SPIRE1: variants seen among roughly 807,000 people sequenced by gnomAD.
The protein encoded by SPIRE1 is spire type actin nucleation factor 1.
SPIRE1 carries 40 observed loss-of-function variants against 94.1 expected under a neutral mutation model. That is an observed-to-expected ratio of 0.43 (90% CI 0.33 to 0.55). The LOEUF (loss-of-function observed/expected upper bound fraction) is 0.55. Among genes scored for constraint, SPIRE1 ranks in the 20% least tolerant of loss-of-function variants. The pLI is 0.06. For synonymous variants in SPIRE1, 376 were observed against 371.7 expected, an observed-to-expected ratio of 1.01 and a Z score of -0.13; for missense variants, 838 against 975.2, an observed-to-expected ratio of 0.86 and a Z score of 1.87.
At chr18:12,570,336 A>G (rs1394212023) in intron 2 of SPIRE1, among the ~76,000 whole-genome samples, 1 of 152,260 alleles carries the variant, frequency 6.6e-6, no homozygotes, top group African/African-American at 2.4e-5. Flanking sequence ...ATCTGCTGAA[A>G]TGGAGATGAC....
rs148572835 is a variant in SPIRE1, at chr18:12,634,629, C to A, written c.372+433G>T. Among the ~76,000 whole-genome samples the A allele has an allele frequency of 3.2e-3, 482 of 152,178 alleles. 2 individuals are homozygous for A. Among genetic ancestry groups the A allele is most frequent in the Non-Finnish European group, 3.5e-3 (239 of 68,008 alleles). ...ACTCTTCCTAAACCTAGAAAACACACCTGCTCTCAAAACATCTTATCAGGG... is the reference window on the plus strand; with the variant it reads ...ACTCTTCCTAAACCTAGAAAACACAACTGCTCTCAAAACATCTTATCAGGG... On this transcript the variant is annotated intron_variant, in intron 2 of 16. Transcript: ENST00000409402.
At chr18:12,550,759 C>CA (rs1411708834) in intron 2 of SPIRE1, among the ~76,000 whole-genome samples, 1 of 152,178 alleles carries the variant, frequency 6.6e-6, no homozygotes, top group Admixed American at 6.5e-5. Flanking sequence ...ACTAAAATCA[C>CA]AAACAATCTC....
intron 2 of SPIRE1, among the ~76,000 whole-genome samples, chr18:12,556,431 T>A (rs2035505913): frequency 6.6e-6 from 1 of 152,206 alleles, no homozygotes; most frequent in African/African-American, 2.4e-5. Flanking sequence ...AATAACACTG[T>A]GTCCGGAATT....
intron 2 of SPIRE1, among the ~76,000 whole-genome samples, chr18:12,629,161 T>C (rs2037709522): frequency 6.6e-6 from 1 of 152,206 alleles, no homozygotes; most frequent in South Asian, 2.1e-4. Flanking sequence ...CATTTAACCT[T>C]CTTTCCTGCT....
chr18:12,600,004 T>C (rs1203858932), intron 2 of SPIRE1, among the ~76,000 whole-genome samples: 1 of 151,062 alleles, frequency 6.6e-6, no homozygotes, highest in Non-Finnish European at 1.5e-5. Flanking sequence ...CTTTGCTGGC[T>C]GTGAGGGAGC....
chr18:12,553,778 GAACTAGAAAACTAGTTTCTAGAA>G (rs1355157248), intron 2 of SPIRE1, among the ~76,000 whole-genome samples: 4 of 151,862 alleles, frequency 2.6e-5, no homozygotes, highest in Non-Finnish European at 4.4e-5. Flanking sequence ...GCATCCTAAA[GAACTAGAAAACTAGTTTCTAGAA>G]AACTAGAAAA....
chr18:12,465,851 C>T (rs751134867), intron 10 of SPIRE1, among the ~76,000 whole-genome samples: 6 of 152,130 alleles, frequency 3.9e-5, no homozygotes, highest in African/African-American at 1.4e-4. Flanking sequence ...TTTGGGAGGC[C>T]AAGACGGGCA....
At chr18:12,611,805 A>G (rs1319935836) in intron 2 of SPIRE1, among the ~76,000 whole-genome samples, 2 of 151,190 alleles carry the variant, frequency 1.3e-5, no homozygotes, top group Non-Finnish European at 2.9e-5. Context: ...CTGGGACTAT[A>G]GGCGTGCACC....
Position 12,452,285 on chromosome 18 carries a change from G to A in SPIRE1, c.1982C>T (p.Ala661Val). The A allele has an allele frequency of 6.2e-7, 1 of 1,614,146 alleles. No individual in the cohort carries two copies. The highest frequency in any genetic ancestry group is 1.7e-5 in the Admixed American group (1 of 60,016). Reference protein sequence around the residue: ...SSMRSEKPSTAHHRPLRSIAR... With the variant: ...SSMRSEKPSTVHHRPLRSIAR... ...AATGCTCCGAAGTGGCCGATGATGG[G>A]CAGTGGAGGGTTTTTCTGACCTCAT... The change falls in exon 16 of 17, where the codon GCC becomes GTC. Residue 661 changes from alanine (A) to valine (V), a missense_variant. Transcript: ENST00000409402.
At chr18:12,615,345 A>AAAAAAATAAAAAAAAATATAT in intron 2 of SPIRE1, among the ~76,000 whole-genome samples, 1 of 17,244 alleles carries the variant, frequency 5.8e-5, no homozygotes, top group Admixed American at 5.9e-4. Flanking sequence ...AAAAAAAAAA[A>AAAAAAATAAAAAAAAATATAT]ATATATATAT....
intron 9 of SPIRE1, among the ~76,000 whole-genome samples, chr18:12,482,729 T>C (rs956639476): frequency 6.6e-6 from 1 of 152,164 alleles, no homozygotes; most frequent in Non-Finnish European, 1.5e-5. Context: ...AATAGCTCTG[T>C]AATTGCCTGA....
chr18:12,518,481 GA>G (rs1184146300), intron 4 of SPIRE1, among the ~76,000 whole-genome samples: 1 of 148,190 alleles, frequency 6.7e-6, no homozygotes, highest in Non-Finnish European at 1.5e-5. Context: ...AAAAGAGCAA[GA>G]CCCTGTCTCA....
chr18:12,642,838 C>T (rs1263186729), intron 1 of SPIRE1, among the ~76,000 whole-genome samples: 2 of 152,118 alleles, frequency 1.3e-5, no homozygotes, highest in African/African-American at 2.4e-5. Flanking sequence ...ACCTAGATCA[C>T]GGGTTGACAG....
In SPIRE1 at chr18:12,657,661, A is replaced by C; in HGVS notation, c.206T>G (p.Leu69Arg). The change falls in exon 1 of 17, where the codon CTG (leucine) becomes CGG (arginine). Residue 69 changes from leucine to arginine, a missense_variant. By Grantham distance (102) the Leu-to-Arg change is moderately radical. Coordinates refer to ENST00000409402, the MANE Select transcript of SPIRE1 (RefSeq NM_001128626.2). Reference sequence around the variant, plus strand: ...CTGGCGGCGGCGGGCGGCGGCGCGCAGGGAACCGCAGCACTGGTAGCACAC... The same window carrying C: ...CTGGCGGCGGCGGGCGGCGGCGCGCCGGGAACCGCAGCACTGGTAGCACAC... ...WAVCYQCCGS[L>R]RAAARRRQPR... is the part of the protein sequence containing the mutation. 7.5e-7 allele frequency: 1 copy of C among 1,325,594 alleles called. No homozygotes were observed. The highest frequency in any genetic ancestry group is 9.6e-7 in the Non-Finnish European group (1 of 1,036,552). 82.1% of individuals were successfully genotyped at this position (1,325,594 alleles called of 1,614,324 possible). A position where few individuals can be genotyped will look rare whatever the true frequency, so the allele number is the denominator to read the frequency against.
intron 12 of SPIRE1, among the ~76,000 whole-genome samples, chr18:12,462,492 T>C (rs1182204684): frequency 1.3e-5 from 2 of 152,212 alleles, no homozygotes; most frequent in Non-Finnish European, 2.9e-5. Flanking sequence ...GGAGATCTAC[T>C]AATTCCTCCT....
At chr18:12,556,978 T>G (rs1274724900) in intron 2 of SPIRE1, among the ~76,000 whole-genome samples, 1 of 152,172 alleles carries the variant, frequency 6.6e-6, no homozygotes, top group Non-Finnish European at 1.5e-5. Context: ...TACAGAGAGC[T>G]GATTGGTCTC....
intron 2 of SPIRE1, among the ~76,000 whole-genome samples, chr18:12,550,488 T>C (rs2035317147): frequency 6.6e-6 from 1 of 152,142 alleles, no homozygotes; most frequent in Admixed American, 6.6e-5. Flanking sequence ...CTCTGCCTCC[T>C]GAGTAGCTGG....
intron 10 of SPIRE1, among the ~76,000 whole-genome samples, chr18:12,474,545 G>A (rs1377247916): frequency 2.0e-5 from 3 of 152,178 alleles, no homozygotes; most frequent in African/African-American, 7.2e-5. Flanking sequence ...TTTGGGCCCA[G>A]GTGTGGTGGC....
intron 2 of SPIRE1, among the ~76,000 whole-genome samples, chr18:12,615,241 T>C (rs1241883087): frequency 1.4e-5 from 2 of 145,870 alleles, no homozygotes; most frequent in Non-Finnish European, 3.0e-5. Flanking sequence ...GGCAGGAGAA[T>C]TGCTTGAACC....
Sources: gnomAD v4.1 joint callset for allele counts (sites outside exome capture counted in the v4.1 genomes callset) on GRCh38, gnomAD v4.1.1 for gene constraint, MANE v1.5 for transcripts, NCBI Gene and HGNC (gene_info 2026-07-23, HGNC 2026-07-21) for gene names.